The following ARHGEF38 variants were observed in gnomAD, a reference collection of about 807,000 sequenced individuals.
ARHGEF38 encodes the protein Rho guanine nucleotide exchange factor 38.
In ARHGEF38, 79 loss-of-function variants were observed where a neutral mutation model predicts 79.9. That is an observed-to-expected ratio of 0.99 (90% confidence interval 0.82 to 1.19). The LOEUF (loss-of-function observed/expected upper bound fraction) is 1.19, where lower values mean the gene tolerates loss of function less well. Ranked by LOEUF, ARHGEF38 falls within the 50% of genes most tolerant of loss-of-function variation. ARHGEF38 has a pLI of 0.00. For synonymous variants in ARHGEF38, 366 were observed against 328.3 expected (o/e 1.11, Z -1.24); for missense variants, 962 against 907.2 (o/e 1.06, Z -0.78).
At chr4:105,647,404 C>T (rs1729891746) in intron 6 of ARHGEF38, among the ~76,000 whole-genome samples, 2 of 151,652 alleles carry the variant, frequency 1.3e-5, no homozygotes, top group Non-Finnish European at 2.9e-5. Flanking sequence ...ATTAATATTG[C>T]CTTCTTTTTA....
At chr4:105,615,100 A>C (rs1217899478) in intron 3 of ARHGEF38, among the ~76,000 whole-genome samples, 1 of 152,236 alleles carries the variant, frequency 6.6e-6, no homozygotes, top group African/African-American at 2.4e-5. Context: ...AGTGTGAAAC[A>C]AATGCCAAAT....
intron 11 of ARHGEF38, among the ~76,000 whole-genome samples, chr4:105,666,724 G>C (rs929542540): frequency 6.6e-6 from 1 of 152,092 alleles, no homozygotes. Context: ...GAGTATAAGC[G>C]TCTTGATTCT....
At chr4:105,556,337 G>T (rs1725249494) in intron 1 of ARHGEF38, among the ~76,000 whole-genome samples, 1 of 152,108 alleles carries the variant, frequency 6.6e-6, no homozygotes, top group Non-Finnish European at 1.5e-5. Context: ...ACTCCAAAGA[G>T]GCTCAAAGTC....
At chr4:105,557,009 A>G (rs987595195) in intron 1 of ARHGEF38, among the ~76,000 whole-genome samples, 1 of 152,184 alleles carries the variant, frequency 6.6e-6, no homozygotes, top group Non-Finnish European at 1.5e-5. Flanking sequence ...TAGTGACAAG[A>G]GCCATCTTAA....
chr4:105,587,674 A>C (rs932585051), intron 1 of ARHGEF38, among the ~76,000 whole-genome samples: 3 of 152,028 alleles, frequency 2.0e-5, no homozygotes, highest in African/African-American at 7.2e-5. Flanking sequence ...GTTAGCCAGG[A>C]TGATCTCGAT....
intron 2 of ARHGEF38, among the ~76,000 whole-genome samples, chr4:105,605,582 T>C (rs1728004227): frequency 6.6e-6 from 1 of 152,188 alleles, no homozygotes; most frequent in African/African-American, 2.4e-5. Context: ...ATAGCTGTGA[T>C]ATTGATTCAA....
chr4:105,656,112 T>G (rs887257662), intron 9 of ARHGEF38, among the ~76,000 whole-genome samples: 4 of 152,110 alleles, frequency 2.6e-5, no homozygotes, highest in Non-Finnish European at 5.9e-5. Flanking sequence ...TGGAGTGCAG[T>G]GGAACAATCT....
intron 4 of ARHGEF38, chr4:105,631,469 C>T: frequency 2.0e-6 from 2 of 985,900 alleles, no homozygotes; most frequent in Non-Finnish European, 2.4e-6. Flanking sequence ...CTTCTTTCCC[C>T]AAACTCACTG....
chr4:105,634,039 G>C (rs1233864322), intron 4 of ARHGEF38, among the ~76,000 whole-genome samples: 1 of 152,154 alleles, frequency 6.6e-6, no homozygotes, highest in Non-Finnish European at 1.5e-5. Context: ...GTTTTTCTGT[G>C]TGGAGTTCCC....
Position 105,589,322 on chromosome 4 carries a change from A to T in ARHGEF38, c.271A>T (p.Met91Leu). 1 of 1,614,148 alleles carries T rather than the reference A, an allele frequency of 6.2e-7. No individual in the cohort carries two copies. Among genetic ancestry groups the T allele is most frequent in the East Asian group, 2.2e-5 (1 of 44,872 alleles). Residue 91 changes from methionine to leucine, a missense_variant, in exon 2 of 14, where the codon ATG becomes TTG. Transcript: ENST00000420470. ...TPEEEHHMKR[M>L]MAKREKIIKE... is the part of the protein sequence containing the mutation. ...AGAGGAAGAGCATCATATGAAGAGG[A>T]TGATGGCAAAGCGGGAAAAGATCAT... is the stretch of plus-strand genomic sequence containing the variant.
intron 1 of ARHGEF38, among the ~76,000 whole-genome samples, chr4:105,587,746 C>T (rs1218609348): frequency 6.6e-6 from 1 of 152,142 alleles, no homozygotes; most frequent in East Asian, 1.9e-4. Flanking sequence ...AGGTGTGAGC[C>T]ACTGCTCCCG....
At chr4:105,587,612 C>T (rs1278805224) in intron 1 of ARHGEF38, among the ~76,000 whole-genome samples, 1 of 152,142 alleles carries the variant, frequency 6.6e-6, no homozygotes, top group East Asian at 1.9e-4. Context: ...AGGAGTCCGC[C>T]ACCACGCCCG....
chr4:105,648,175 A>G (rs1399037491), intron 6 of ARHGEF38, among the ~76,000 whole-genome samples: 1 of 152,062 alleles, frequency 6.6e-6, no homozygotes, highest in East Asian at 1.9e-4. Context: ...GGTGTGAGCC[A>G]CCGTGCCCGG....
chr4:105,660,686 C>A (rs1044989015), intron 10 of ARHGEF38, among the ~76,000 whole-genome samples: 3 of 152,132 alleles, frequency 2.0e-5, no homozygotes, highest in Non-Finnish European at 4.4e-5. Flanking sequence ...GTGATCCACT[C>A]GCCTCGGCCT....
At chr4:105,638,211 C>T (rs915452530) in intron 5 of ARHGEF38, among the ~76,000 whole-genome samples, 2 of 152,002 alleles carry the variant, frequency 1.3e-5, no homozygotes, top group Admixed American at 1.3e-4. Flanking sequence ...AAAAATTATC[C>T]GTTTTTTAGG....
At chr4:105,592,676 C>T (rs1354068427) in intron 2 of ARHGEF38, among the ~76,000 whole-genome samples, 1 of 152,146 alleles carries the variant, frequency 6.6e-6, no homozygotes, top group Admixed American at 6.5e-5. Context: ...TACTGGGGCC[C>T]CCAGTAATGT....
chr4:105,605,076 T>C (rs2110480783), intron 2 of ARHGEF38, among the ~76,000 whole-genome samples: 1 of 152,256 alleles, frequency 6.6e-6, no homozygotes. Flanking sequence ...ACATTTCATA[T>C]AAAATTCAAA....
chr4:105,645,845 C>A (rs1247201972), intron 6 of ARHGEF38, among the ~76,000 whole-genome samples: 2 of 152,164 alleles, frequency 1.3e-5, no homozygotes, highest in African/African-American at 4.8e-5. Flanking sequence ...GAGAATGGAG[C>A]TTTTGTGGCA....
chr4:105,608,900 A>G (rs906162755), intron 2 of ARHGEF38, among the ~76,000 whole-genome samples: 1 of 151,952 alleles, frequency 6.6e-6, no homozygotes, highest in African/African-American at 2.4e-5. Context: ...TATATTTTGC[A>G]TATTAACACC....
Sources: allele counts gnomAD v4.1 joint callset (sites outside exome capture counted in the v4.1 genomes callset), GRCh38; gene constraint gnomAD v4.1.1; transcripts MANE v1.5; gene names NCBI Gene and HGNC (gene_info 2026-07-23, HGNC 2026-07-21).